SHANK1: variants seen among roughly 807,000 people sequenced by gnomAD.
The protein encoded by SHANK1 is SH3 and multiple ankyrin repeat domains 1.
SHANK1 carries 35 observed loss-of-function variants against 165.6 expected under a neutral mutation model. That is an observed-to-expected ratio of 0.21 (90% CI 0.16 to 0.28). SHANK1 has a LOEUF of 0.28. SHANK1 is among the 10% of genes least tolerant of loss of function. SHANK1 has a pLI of 1.00. For missense variants in SHANK1, 2,681 were observed against 3,036.4 expected, an observed-to-expected ratio of 0.88 and a Z score of 2.75; for synonymous variants, 1,428 against 1,384.8, an observed-to-expected ratio of 1.03 and a Z score of -0.69.
rs1471424074 is a variant in SHANK1, at chr19:50,668,888, G to A, written c.3072C>T (p.Pro1024=). 36 of 1,303,758 alleles carry A rather than the reference G, an allele frequency of 2.8e-5. No individual in the cohort carries two copies. Among genetic ancestry groups the A allele is most frequent in the Admixed American group, 7.5e-5 (2 of 26,652 alleles). The allele number at this position is 1,303,758 out of a possible 1,614,324, so 80.8% of individuals were successfully genotyped here. The change falls in exon 23 of 24, where the codon CCC becomes CCT. Residue 1024 remains proline, a synonymous_variant. Coordinates refer to ENST00000293441, the MANE Select transcript of SHANK1 (RefSeq NM_016148.5). ...HHHHAHPPHP[P]EMETGGSPDD... is the part of the protein sequence containing the mutation. ...CGGGAGAGCCGCCTGTCTCCATCTC[G>A]GGAGGATGAGGGGGGTGGGCGTGGT...
intron 21 of SHANK1, among the ~76,000 whole-genome samples, chr19:50,672,892 G>A (rs767287217): frequency 7.9e-5 from 12 of 152,100 alleles, no homozygotes; most frequent in Non-Finnish European, 1.5e-4. Context: ...GATCAGAGGG[G>A]ACCAAACTCC....
rs771405315 is a variant in SHANK1, at chr19:50,666,237, C to T, written c.5723G>A (p.Gly1908Glu). Residue 1908 changes from glycine to glutamate, a missense_variant, in exon 23 of 24, where the codon GGA (glycine) becomes GAA (glutamate). By Grantham distance (98) the Gly-to-Glu change is moderately conservative. Around this residue, in one of 10 missense-constraint regions of SHANK1, gnomAD observed 1,713 missense variants for 1,630.2 expected, o/e 1.05. Transcript: ENST00000293441. ...SGGGGDSHHG[G>E]ASYVPERTSS... The stretch of plus-strand genomic sequence containing the variant: ...GGTCCTCTCGGGGACATAGCTGGCT[C>T]CCCCGTGGTGGCTGTCTCCGCCTCC... 1 of 1,608,964 alleles carries T rather than the reference C, an allele frequency of 6.2e-7. No homozygotes were observed. The highest frequency in any genetic ancestry group is 1.7e-5 in the Admixed American group (1 of 59,524).
intron 11 of SHANK1, 63 bp downstream of exon 11, chr19:50,703,437 C>A: frequency 1.4e-6 from 2 of 1,412,194 alleles, no homozygotes; most frequent in South Asian, 1.3e-5. Context: ...CGGGGGAAGC[C>A]GCCGATCTGG....
In SHANK1 at chr19:50,668,376, C is replaced by T; in HGVS notation, c.3584G>A (p.Gly1195Asp). Residue 1195 changes from glycine (G) to aspartate (D), a missense_variant, in exon 23 of 24, where the codon GGC becomes GAC. This residue lies in a region of SHANK1 where 1,713 missense variants were observed against 1,630.2 expected (regional missense o/e 1.05). Transcript: ENST00000293441. ...GGCCGGGGCGGGGCTGGGCGAGGAGCCGCCGCCGCCGCCGCCTCCCGTGGG... is the reference window on the plus strand; with the variant it reads ...GGCCGGGGCGGGGCTGGGCGAGGAGTCGCCGCCGCCGCCGCCTCCCGTGGG... ...PEPTGGGGGG[G>D]SSPSPAPAMS... 2.4e-6 allele frequency: 3 copies of T among 1,256,374 alleles called. No individual in the cohort carries two copies. The highest frequency in any genetic ancestry group is 2.0e-6 in the Non-Finnish European group (2 of 995,408). 77.8% of individuals were successfully genotyped at this position (1,256,374 alleles called of 1,614,324 possible).
chr19:50,681,391 A>T (rs1986175438), intron 21 of SHANK1, among the ~76,000 whole-genome samples: 1 of 152,160 alleles, frequency 6.6e-6, no homozygotes, highest in African/African-American at 2.4e-5. Context: ...CCCAGAACTC[A>T]GGTGAGTGCT....
chr19:50,713,942 G>T lies in SHANK1; in HGVS notation c.648C>A (p.Pro216=), dbSNP rs1276209296. The T allele has an allele frequency of 6.2e-7, 1 of 1,613,810 alleles. No homozygotes were observed. The highest frequency in any genetic ancestry group is 2.2e-5 in the East Asian group (1 of 44,866). Residue 216 remains proline (P), a synonymous_variant, in exon 6 of 24, where the codon CCC becomes CCA. Transcript: ENST00000293441. The surrounding 1 kb of genome is among the most constrained non-coding windows in gnomAD (Gnocchi z 6.2). ...NYHDSDSGET[P]LTLAAQTEGS... ...CTTCGGTCTGGGCCGCCAGTGTCAA[G>T]GGGGTCTCTGAAGGGCGGGAAAAGC...
chr19:50,715,622 G>A (rs866785147), intron 4 of SHANK1, 37 bp downstream of exon 4: 2 of 1,589,550 alleles, frequency 1.3e-6, no homozygotes, highest in Middle Eastern at 3.3e-4. Flanking sequence ...CAGTGGTAGG[G>A]GGCTATAGGG....
chr19:50,697,864 G>A lies in SHANK1; in HGVS notation c.1840C>T (p.Arg614Cys), dbSNP rs537360024. Residue 614 changes from arginine (R) to cysteine (C), a missense_variant, in exon 13 of 24, where the codon CGC (arginine) becomes TGC (cysteine). Around this residue, in one of 10 missense-constraint regions of SHANK1, gnomAD observed 147 missense variants for 256.5 expected, o/e 0.57. Transcript: ENST00000293441. This position sits in a 1 kb window ranked among gnomAD's most constrained non-coding sequence, Gnocchi z 4.7. ...PSDCLEEVAN[R>C]SQESKQESRS... ...TTACCTTGCTTGCTCTCCTGAGAGC[G>A]ATTCGCCACTTCTTCCAGGCAGTCA... The A allele has an allele frequency of 6.8e-6, 11 of 1,613,678 alleles. No homozygotes were observed. The highest frequency in any genetic ancestry group is 4.0e-5 in the African/African-American group (3 of 74,896).
intron 15 of SHANK1, among the ~76,000 whole-genome samples, chr19:50,694,404 T>G: frequency 1.4e-5 from 2 of 141,080 alleles, no homozygotes; most frequent in African/African-American, 5.3e-5. Flanking sequence ...CGTGAAGAGG[T>G]GTGGGGATGT....
Position 50,670,405 on chromosome 19 carries a change from A to G in SHANK1, c.2675-1120T>C, listed in dbSNP as rs1985748023. On this transcript the variant is annotated intron_variant, in intron 22 of 23. Transcript: ENST00000293441. This position sits in a 1 kb window ranked among gnomAD's most constrained non-coding sequence, Gnocchi z 4.1. ...ACTATCATTTCCTATCTGGATAGCA[A>G]TAGCTGTCACCTCCTCTTTGGTCCC... is the stretch of plus-strand genomic sequence containing the variant. Among the ~76,000 whole-genome samples the G allele has an allele frequency of 6.6e-6, 1 of 152,132 alleles. No individual in the cohort carries two copies. Among genetic ancestry groups the G allele is most frequent in the East Asian group, 1.9e-4 (1 of 5,190 alleles).
In SHANK1 at chr19:50,686,718, CGAG is replaced by C; in HGVS notation, c.2458+23_2458+25del. The C allele has an allele frequency of 6.2e-7, 1 of 1,609,740 alleles. No homozygotes were observed. ...GTGCCGGGGCTGGGGCCCGGCATCC[CGAG>C]GAGCAGGGCTGGGCCGTCTTACTGA... On this transcript the variant is annotated intron_variant, in intron 20 of 23. Transcript: ENST00000293441. This position sits in a 1 kb window ranked among gnomAD's most constrained non-coding sequence, Gnocchi z 5.7.
chr19:50,697,218 C>T lies in SHANK1; in HGVS notation c.1938-96G>A, dbSNP rs889495986. The T allele has an allele frequency of 1.9e-6, 3 of 1,541,874 alleles. No individual in the cohort carries two copies. In the African/African-American group the frequency reaches 4.1e-5, roughly 21 times the overall value. On this transcript the variant is annotated intron_variant, in intron 14 of 23. Transcript: ENST00000293441. This position sits in a 1 kb window ranked among gnomAD's most constrained non-coding sequence, Gnocchi z 4.7. ...CCACCCAGCCCTGACTGCACCCTCCCCACACCGGTGCATGGGACACACACA... is the reference window on the plus strand; with the variant it reads ...CCACCCAGCCCTGACTGCACCCTCCTCACACCGGTGCATGGGACACACACA...
chr19:50,664,211 T>G (rs557318572), intron 23 of SHANK1, among the ~76,000 whole-genome samples: 1 of 152,082 alleles, frequency 6.6e-6, no homozygotes, highest in Non-Finnish European at 1.5e-5. Flanking sequence ...CAGACACATT[T>G]GGATAGCAGA....
At chr19:50,669,339 G>C in intron 22 of SHANK1, 54 bp from the exon 23 acceptor site, 1 of 1,208,210 alleles carries the variant, frequency 8.3e-7, no homozygotes, top group Non-Finnish European at 1.2e-6. Flanking sequence ...GGGTCTCCCT[G>C]CTCCACTATC....
In SHANK1 at chr19:50,668,380, C is replaced by T. The variant is rs762092685; in HGVS notation, c.3580G>A (p.Gly1194Ser). Residue 1194 changes from glycine to serine, a missense_variant, in exon 23 of 24, where the codon GGC (glycine) becomes AGC (serine). Transcript: ENST00000293441. ...QPEPTGGGGG[G>S]GSSPSPAPAM... ...GGGGCGGGGCTGGGCGAGGAGCCGC[C>T]GCCGCCGCCGCCTCCCGTGGGCTCC... is the stretch of plus-strand genomic sequence containing the variant. 3.1e-6 allele frequency: 4 copies of T among 1,286,770 alleles called. No individual in the cohort carries two copies. The highest frequency in any genetic ancestry group is 2.0e-6 in the Non-Finnish European group (2 of 1,015,002). The allele number at this position is 1,286,770 out of a possible 1,614,324, so 79.7% of individuals were successfully genotyped here.
rs756562240 is a variant in SHANK1 at position 50,669,131 on chromosome 19, C to A, written c.2829G>T (p.Gly943=). Residue 943 remains glycine, a synonymous_variant, in exon 23 of 24, where the codon GGG becomes GGT. Coordinates refer to ENST00000293441, the MANE Select transcript of SHANK1 (RefSeq NM_016148.5). ...YSTPPVPSSS[G]RLTPSPRGGP... ...CTCCCCGAGGGGAGGGGGTGAGGCGCCCTGAGGAGGAGGGGACTGGAGGTG... is the reference window on the plus strand; with the variant it reads ...CTCCCCGAGGGGAGGGGGTGAGGCGACCTGAGGAGGAGGGGACTGGAGGTG... 6.5e-7 allele frequency: 1 copy of A among 1,540,378 alleles called. No individual in the cohort carries two copies. The highest frequency in any genetic ancestry group is 8.7e-7 in the Non-Finnish European group (1 of 1,144,022).
At chr19:50,675,424 T>C (rs377663469) in intron 21 of SHANK1, among the ~76,000 whole-genome samples, 8 of 152,348 alleles carry the variant, frequency 5.3e-5, no homozygotes, top group African/African-American at 1.9e-4. Context: ...TTGGTTCTAG[T>C]CCAGAGTTTC....
At position 50,662,037 on chromosome 19, in the gene SHANK1, G is replaced by C. The variant is rs1007637741; in HGVS notation, c.6414C>G (p.Val2138=). 1 of 1,614,150 alleles carries C rather than the reference G, an allele frequency of 6.2e-7. No homozygotes were observed. The highest frequency in any genetic ancestry group is 8.5e-7 in the Non-Finnish European group (1 of 1,180,014). The part of the protein sequence containing the change: ...HLPALTKEDY[V]DLGVTRVGHR... ...GGCCCACCCTGGTCACACCTAGATCGACGTAGTCCTCCTTGGTCAAGGCGG... is the reference window on the plus strand; with the variant it reads ...GGCCCACCCTGGTCACACCTAGATCCACGTAGTCCTCCTTGGTCAAGGCGG... Residue 2138 remains valine, a synonymous_variant, in exon 24 of 24, where the codon GTC becomes GTG. Transcript: ENST00000293441. This position sits in a 1 kb window ranked among gnomAD's most constrained non-coding sequence, Gnocchi z 7.7.
chr19:50,706,533 T>G (rs2088940267), intron 8 of SHANK1, among the ~76,000 whole-genome samples: 1 of 151,944 alleles, frequency 6.6e-6, no homozygotes, highest in South Asian at 2.1e-4. Flanking sequence ...CCACCTGCCC[T>G]TGCTCCCAGG....
Sources: allele counts gnomAD v4.1 joint callset (sites outside exome capture counted in the v4.1 genomes callset), GRCh38; gene constraint gnomAD v4.1.1; regional missense constraint gnomAD v4.1.1; non-coding constraint Gnocchi (gnomAD v3.1); transcripts MANE v1.5; gene names NCBI Gene and HGNC (gene_info 2026-07-23, HGNC 2026-07-21).